Variants in SSH2 observed in about 807,000 individuals in gnomAD.
SSH2 encodes the protein slingshot protein phosphatase 2.
In SSH2, 37 loss-of-function variants were observed where a neutral mutation model predicts 135.2. The observed-to-expected ratio is 0.27, with a 90% confidence interval of 0.21 to 0.36. The LOEUF is 0.36. SSH2 is among the 10% of genes least tolerant of loss of function. The probability of loss-of-function intolerance (pLI) is 1.00; values close to 1 mark genes in which losing one functional copy is unlikely to be tolerated. For synonymous variants in SSH2, 628 were observed against 646.2 expected (o/e 0.97, Z 0.43); for missense variants, 1,408 against 1,765.3 (o/e 0.80, Z 3.63).
At chr17:29,684,794 C>G in intron 5 of SSH2, 110 bp from the exon 6 acceptor site, 2 of 988,772 alleles carry the variant, frequency 2.0e-6, no homozygotes, top group Admixed American at 2.6e-5. Flanking sequence ...GGCAGCAGAG[C>G]CAGTAGTTAG....
At position 29,628,002 on chromosome 17, in the gene SSH2, TG is replaced by T. The variant is rs1206478184; in HGVS notation, c.*2838del. 2.6e-5 allele frequency: 4 copies of T among 152,290 alleles called. No individual in the cohort carries two copies. In the East Asian group the frequency reaches 7.7e-4, roughly 29 times the overall value. 9.4% of individuals were successfully genotyped at this position (152,290 alleles called of 1,614,324 possible). The stretch of plus-strand genomic sequence containing the variant: ...AGTCAAAGTTTTTCCTATTCATCTT[TG>T]CCAGTCTATCAAATCTGCTGCTTCA... On this transcript the variant is annotated 3_prime_UTR_variant, in exon 16 of 16. Coordinates refer to ENST00000540801, the MANE Select transcript of SSH2 (RefSeq NM_001282129.2).
intron 3 of SSH2, among the ~76,000 whole-genome samples, chr17:29,790,121 A>T (rs530680293): frequency 6.6e-6 from 1 of 152,318 alleles, no homozygotes; most frequent in South Asian, 2.1e-4. Flanking sequence ...GTATGAGAAC[A>T]TGAATTTTGT....
chr17:29,709,529 T>C (rs775710431), intron 3 of SSH2, among the ~76,000 whole-genome samples: 19 of 152,016 alleles, frequency 1.2e-4, no homozygotes, highest in Admixed American at 2.6e-4. Flanking sequence ...ATACAAAAAT[T>C]AGCCAGGTGT....
At chr17:29,742,727 C>T (rs1224576291) in intron 3 of SSH2, among the ~76,000 whole-genome samples, 6 of 151,800 alleles carry the variant, frequency 4.0e-5, no homozygotes, top group Non-Finnish European at 8.8e-5. Context: ...CTCCGCCTCC[C>T]GGGTTCAAGC....
intron 2 of SSH2, among the ~76,000 whole-genome samples, chr17:29,843,899 T>C (rs1414509532): frequency 6.6e-6 from 1 of 152,194 alleles, no homozygotes; most frequent in Admixed American, 6.5e-5. Context: ...AAAAATCCCA[T>C]AGAAGCTGAT....
In SSH2 at chr17:29,630,958, TG is replaced by T; in HGVS notation, c.4235del (p.Pro1412GlnfsTer22). 1 of 1,611,254 alleles carries T rather than the reference TG, an allele frequency of 6.2e-7. No homozygotes were observed. The highest frequency in any genetic ancestry group is 1.1e-5 in the South Asian group (1 of 91,038). ...LQTQGLQCAC[P>X]APGLAVAPRQ... ...GGGGTGCCACGGCCAGCCCTGGAGC[TG>T]GGCATGCACACTGCAGTCCCTGGGT... On this transcript the variant is annotated frameshift_variant, in exon 16 of 16. Coordinates refer to ENST00000540801, the MANE Select transcript of SSH2 (RefSeq NM_001282129.2). LOFTEE classifies it high-confidence loss of function.
At chr17:29,913,347 A>AATTATATAT (rs1555543500) in intron 1 of SSH2, among the ~76,000 whole-genome samples, 5 of 28,784 alleles carry the variant, frequency 1.7e-4, no homozygotes, top group Non-Finnish European at 2.9e-4. Flanking sequence ...AAAAAAAAAA[A>AATTATATAT]ATATATATAT....
chr17:29,700,755 A>G (rs1366577471), intron 4 of SSH2, among the ~76,000 whole-genome samples: 1 of 152,192 alleles, frequency 6.6e-6, no homozygotes, highest in Non-Finnish European at 1.5e-5. Flanking sequence ...TGATTAGTTG[A>G]AGTAATTCTG....
At chr17:29,783,838 G>A (rs979059440) in intron 3 of SSH2, among the ~76,000 whole-genome samples, 2 of 151,422 alleles carry the variant, frequency 1.3e-5, no homozygotes, top group Admixed American at 6.6e-5. Context: ...AGGCCGAGGC[G>A]GGCGGATCAC....
chr17:29,889,689 T>C (rs1038800634), intron 1 of SSH2, among the ~76,000 whole-genome samples: 1 of 151,744 alleles, frequency 6.6e-6, no homozygotes, highest in Non-Finnish European at 1.5e-5. Flanking sequence ...GACATGGGAC[T>C]TGTATCTGGA....
intron 2 of SSH2, among the ~76,000 whole-genome samples, chr17:29,814,486 G>T (rs998177457): frequency 6.9e-6 from 1 of 144,902 alleles, no homozygotes; most frequent in Non-Finnish European, 1.5e-5. Context: ...ACAATAATAT[G>T]CAATACTGTC....
At chr17:29,927,878 A>G (rs1411471763) in intron 1 of SSH2, among the ~76,000 whole-genome samples, 2 of 152,222 alleles carry the variant, frequency 1.3e-5, no homozygotes. Flanking sequence ...TTTGCTCAAC[A>G]ACTGAGCTTA....
chr17:29,676,876 A>T lies in SSH2; in HGVS notation c.558T>A (p.Ser186Arg). ...TGTGAACTCTGTTATCCGTCGATAC[A>T]CTGAACCCACTAAGGACAAATGAGA... is the stretch of plus-strand genomic sequence containing the variant. ...LIHLDGDGGF[S>R]VSTDNRVHIF... Residue 186 changes from serine to arginine, a missense_variant, in exon 8 of 16, where the codon AGT becomes AGA. Transcript: ENST00000540801. The T allele has an allele frequency of 6.2e-7, 1 of 1,613,816 alleles. No homozygotes were observed. The highest frequency in any genetic ancestry group is 8.5e-7 in the Non-Finnish European group (1 of 1,179,798).
chr17:29,638,509 T>TACACACAC (rs71138839), intron 14 of SSH2, among the ~76,000 whole-genome samples: 146 of 128,960 alleles, frequency 1.1e-3, no homozygotes, highest in African/African-American at 3.4e-3. Flanking sequence ...TTCTATATTT[T>TACACACAC]ACACACACAC....
chr17:29,725,361 A>AAAAAAAC (rs2039967408), intron 3 of SSH2, among the ~76,000 whole-genome samples: 1 of 150,334 alleles, frequency 6.7e-6, no homozygotes, highest in Admixed American at 6.6e-5. Context: ...AAAAAAAAAA[A>AAAAAAAC]AAAAAAAAGC....
chr17:29,654,407 A>C (rs554155939), intron 12 of SSH2, among the ~76,000 whole-genome samples: 20 of 151,560 alleles, frequency 1.3e-4, no homozygotes, highest in African/African-American at 4.6e-4. Context: ...TTCCAAGTTC[A>C]TTTGGCCAAT....
chr17:29,708,147 A>G (rs1170037641), intron 3 of SSH2, among the ~76,000 whole-genome samples: 1 of 152,244 alleles, frequency 6.6e-6, no homozygotes, highest in Admixed American at 6.5e-5. Flanking sequence ...AGAAAATTAT[A>G]TGTAAATTTA....
intron 5 of SSH2, among the ~76,000 whole-genome samples, chr17:29,694,699 A>C (rs1341605374): frequency 6.6e-6 from 1 of 152,136 alleles, no homozygotes; most frequent in Admixed American, 6.5e-5. Context: ...TTAAGAACCC[A>C]TGCTAGATCT....
intron 1 of SSH2, among the ~76,000 whole-genome samples, chr17:29,926,318 G>A (rs1395736639): frequency 1.3e-5 from 2 of 151,390 alleles, no homozygotes; most frequent in Admixed American, 1.3e-4. Context: ...GTGGGCAGAC[G>A]GCTTGAGCCC....
Sources: allele counts gnomAD v4.1 joint callset (sites outside exome capture counted in the v4.1 genomes callset), GRCh38; gene constraint gnomAD v4.1.1; transcripts MANE v1.5; gene names NCBI Gene and HGNC (gene_info 2026-07-23, HGNC 2026-07-21).